BFSP1: variants seen among roughly 807,000 people sequenced by gnomAD.
The protein encoded by BFSP1 is beaded filament structural protein 1.
BFSP1 carries 38 observed loss-of-function variants against 43.9 expected under a neutral mutation model. The ratio of observed to expected loss-of-function variants is 0.87; its 90% confidence interval spans 0.67 to 1.14. The LOEUF (loss-of-function observed/expected upper bound fraction) is 1.14. Ranked by LOEUF, BFSP1 falls within the 50% of genes most tolerant of loss-of-function variation. The pLI, the probability that BFSP1 is intolerant of heterozygous loss-of-function variation, is 0.00. For missense variants in BFSP1, 850 were observed against 875.1 expected, an observed-to-expected ratio of 0.97 and a Z score of 0.36; for synonymous variants, 352 against 354.8, an observed-to-expected ratio of 0.99 and a Z score of 0.09.
chr20:17,508,766 G>T, intron 5 of BFSP1, 123 bp downstream of exon 5: 1 of 980,874 alleles, frequency 1.0e-6, no homozygotes, highest in Non-Finnish European at 1.4e-6. Context: ...CCCCGTTTCT[G>T]CCAGGAACAT....
upstream of BFSP1, chr20:17,560,219 AG>A (rs2035054903): frequency 6.6e-6 from 1 of 152,142 alleles, no homozygotes; most frequent in Non-Finnish European, 1.5e-5. Context: ...CTTGGTCCAT[AG>A]GGTCTAATTT....
chr20:17,525,055 C>T lies in BFSP1; in HGVS notation c.378-147G>A. The T allele has an allele frequency of 1.4e-6, 1 of 715,536 alleles. No homozygotes were observed. The highest frequency in any genetic ancestry group is 2.5e-6 in the Non-Finnish European group (1 of 406,256). 44.3% of individuals were successfully genotyped at this position (715,536 alleles called of 1,614,324 possible). A position where few individuals can be genotyped will look rare whatever the true frequency, so the allele number is the denominator to read the frequency against. On this transcript the variant is annotated intron_variant, in intron 1 of 7. Transcript: ENST00000377873. The surrounding 1 kb of genome is among the most constrained non-coding windows in gnomAD (Gnocchi z 4.2). ...ATTTTAAAGTAGTAGCTAACGAATGCTGCATTTCCTAGCTGACTGCCTCCC... is the reference window on the plus strand; with the variant it reads ...ATTTTAAAGTAGTAGCTAACGAATGTTGCATTTCCTAGCTGACTGCCTCCC...
intron 1 of BFSP1, among the ~76,000 whole-genome samples, chr20:17,529,053 A>G (rs1034950396): frequency 7.3e-6 from 1 of 136,478 alleles, no homozygotes; most frequent in Non-Finnish European, 1.5e-5. Context: ...AATATCTTAC[A>G]TGGTTAAATA....
chr20:17,545,703 A>C (rs56240681), intron 1 of BFSP1, among the ~76,000 whole-genome samples: 1 of 152,140 alleles, frequency 6.6e-6, no homozygotes, highest in Non-Finnish European at 1.5e-5. Flanking sequence ...ACAACAGAAA[A>C]CCTAGATGTC....
intron 1 of BFSP1, among the ~76,000 whole-genome samples, chr20:17,567,829 A>C (rs28530560): frequency 0.091 from 13,764 of 150,616 alleles, 1,321 homozygotes; most frequent in African/African-American, 0.25. Flanking sequence ...CCATTGCACT[A>C]CAGTCTGGGC....
At chr20:17,512,389 C>T (rs1336854864) in intron 3 of BFSP1, among the ~76,000 whole-genome samples, 2 of 147,224 alleles carry the variant, frequency 1.4e-5, no homozygotes, top group Non-Finnish European at 3.0e-5. Flanking sequence ...TCACAAAGCC[C>T]TGGGTGGCGG....
upstream of BFSP1, among the ~76,000 whole-genome samples, chr20:17,533,201 A>G (rs1447523336): frequency 6.6e-6 from 1 of 152,128 alleles, no homozygotes; most frequent in East Asian, 1.9e-4. Context: ...TTATAAAAAT[A>G]AAAATAATAA....
chr20:17,540,948 G>A (rs537203817), intron 1 of BFSP1: 3 of 152,312 alleles, frequency 2.0e-5, no homozygotes, highest in East Asian at 3.9e-4. Context: ...TACTAGGAAC[G>A]CTGGGAGCTA....
rs375706515 is a variant in BFSP1 at position 17,497,558 on chromosome 20, A to ATG, written c.957-537_957-536dup. Among the ~76,000 whole-genome samples the ATG allele has an allele frequency of 7.7e-4, 29 of 37,778 alleles. No homozygotes were observed. The South Asian group carries it at 0.011, about 14-fold the overall frequency. The allele number at this position is 37,778 out of a possible 152,430, so 24.8% of individuals were successfully genotyped here. A position where few individuals can be genotyped will look rare whatever the true frequency, so the allele number is the denominator to read the frequency against. The stretch of plus-strand genomic sequence containing the variant: ...TGTATATATGTGTGTATATATGTAT[A>ATG]TGTGTGTGTATATGTATATATACGT... On this transcript the variant is annotated intron_variant, in intron 6 of 7. Transcript: ENST00000377873.
intron 1 of BFSP1, among the ~76,000 whole-genome samples, chr20:17,553,830 T>TATATATACACATATATATAC (rs2034940647): frequency 2.2e-5 from 2 of 90,096 alleles, no homozygotes; most frequent in Non-Finnish European, 4.1e-5. Context: ...CACACATATA[T>TATATATACACATATATATAC]ATATATACAC....
intron 1 of BFSP1, among the ~76,000 whole-genome samples, chr20:17,537,046 T>C (rs2034638371): frequency 1.3e-5 from 2 of 152,164 alleles, no homozygotes; most frequent in African/African-American, 4.8e-5. Flanking sequence ...AGCAAACGAA[T>C]ACACTGCTCT....
chr20:17,548,192 A>AG (rs1956485136), intron 1 of BFSP1, among the ~76,000 whole-genome samples: 1 of 150,918 alleles, frequency 6.6e-6, no homozygotes, highest in South Asian at 2.1e-4. Flanking sequence ...AAAAAAAAAA[A>AG]AAAAAAAGAA....
At chr20:17,558,126 G>GC (rs1400494385) in intron 1 of BFSP1, among the ~76,000 whole-genome samples, 45 of 149,008 alleles carry the variant, frequency 3.0e-4, no homozygotes, top group African/African-American at 1.1e-3. Context: ...AGATGGGGGG[G>GC]GGTTTTACTC....
intron 5 of BFSP1, among the ~76,000 whole-genome samples, chr20:17,499,540 C>G (rs13043260): frequency 0.21 from 31,261 of 151,696 alleles, 3,672 homozygotes; most frequent in Middle Eastern, 0.3. Context: ...AGTCACCGCA[C>G]CCAGCCCTTC....
intron 2 of BFSP1, 92 bp from the exon 3 acceptor site, chr20:17,514,908 G>C: frequency 8.7e-7 from 1 of 1,150,062 alleles, no homozygotes; most frequent in Admixed American, 1.7e-5. Flanking sequence ...CCACCTGGGA[G>C]CTTACTGAAA....
chr20:17,530,129 C>T (rs2034502856), intron 1 of BFSP1, among the ~76,000 whole-genome samples: 1 of 152,162 alleles, frequency 6.6e-6, no homozygotes. Flanking sequence ...GCCCAAGAAT[C>T]TGTATTTCTA....
At chr20:17,566,618 T>C (rs1177649439) in intron 1 of BFSP1, among the ~76,000 whole-genome samples, 1 of 152,196 alleles carries the variant, frequency 6.6e-6, no homozygotes, top group Admixed American at 6.5e-5. Flanking sequence ...ACCTTTTTGC[T>C]GTGTTCTCAC....
chr20:17,501,822 AG>A (rs998953161), intron 5 of BFSP1, among the ~76,000 whole-genome samples: 3 of 152,196 alleles, frequency 2.0e-5, no homozygotes, highest in Non-Finnish European at 2.9e-5. Context: ...GGCCTGACCT[AG>A]GCTGGCCTGT....
chr20:17,530,967 G>A lies in BFSP1; in HGVS notation c.363C>T (p.Asp121=). 1 of 1,437,392 alleles carries A rather than the reference G, an allele frequency of 7.0e-7. No homozygotes were observed. 89.0% of individuals were successfully genotyped at this position (1,437,392 alleles called of 1,614,324 possible). ...CCGCCGCTTACTTGCTTCGGAACTC[G>A]TCGAGCGCGCGCTGCGCCTCGGTGC... The part of the protein sequence containing the change: ...RQGTEAQRAL[D]EFRSKYENEC... Residue 121 remains aspartate (D), a synonymous_variant, in exon 1 of 8, where the codon GAC becomes GAT. Coordinates refer to ENST00000377873, the MANE Select transcript of BFSP1 (RefSeq NM_001195.5).
Sources: allele counts gnomAD v4.1 joint callset (sites outside exome capture counted in the v4.1 genomes callset), GRCh38; gene constraint gnomAD v4.1.1; non-coding constraint Gnocchi (gnomAD v3.1); transcripts MANE v1.5; gene names NCBI Gene and HGNC (gene_info 2026-07-23, HGNC 2026-07-21).